ERICH1: variants seen among roughly 807,000 people sequenced by gnomAD.
ERICH1 encodes glutamate-rich protein 1.
A neutral mutation model predicts 39.6 loss-of-function variants in ERICH1; 56 were observed. The ratio of observed to expected loss-of-function variants is 1.41; its 90% CI spans 1.14 to 1.77. The LOEUF (loss-of-function observed/expected upper bound fraction) is 1.77. Ranked by LOEUF, ERICH1 falls within the 40% of genes most tolerant of loss-of-function variation. The probability of loss-of-function intolerance (pLI) is 0.00; values close to 1 mark genes in which losing one functional copy is unlikely to be tolerated. For synonymous variants in ERICH1, 313 were observed against 223.6 expected (o/e 1.40, Z -3.57); for missense variants, 826 against 575.4 (o/e 1.44, Z -4.45).
chr8:622,080 C>T (rs925721590), intron 3 of ERICH1, among the ~76,000 whole-genome samples: 1 of 152,006 alleles, frequency 6.6e-6, no homozygotes, highest in Non-Finnish European at 1.5e-5. Flanking sequence ...ATTAACCAAG[C>T]GTGGTGGCAT....
At chr8:689,905 G>A (rs1369796270) in intron 3 of ERICH1, among the ~76,000 whole-genome samples, 7 of 152,156 alleles carry the variant, frequency 4.6e-5, no homozygotes, top group Non-Finnish European at 5.9e-5. Context: ...CGCCAGGACC[G>A]TGAGCAGAAG....
At chr8:687,794 G>C (rs1037519559) in intron 3 of ERICH1, among the ~76,000 whole-genome samples, 1 of 152,146 alleles carries the variant, frequency 6.6e-6, no homozygotes, top group African/African-American at 2.4e-5. Context: ...GGTGGAATAC[G>C]GGGCAGCCAC....
Position 686,195 on chromosome 8 carries a change from CAGAT to C in ERICH1, c.304+6279_304+6282del, listed in dbSNP as rs1169580254. On this transcript the variant is annotated intron_variant, in intron 3 of 5. Coordinates refer to ENST00000262109, the MANE Select transcript of ERICH1 (RefSeq NM_207332.3). Reference sequence around the variant, plus strand: ...ATCATCATCTTCTACCTTTTTTTCTCAGATACTCTTTAACTTCAATTAAACAAAT... The same window carrying C: ...ATCATCATCTTCTACCTTTTTTTCTCACTCTTTAACTTCAATTAAACAAAT... Among the ~76,000 whole-genome samples the C allele has an allele frequency of 5.3e-5, 8 of 152,106 alleles. No homozygotes were observed. The East Asian group carries it at 1.2e-3, about 22-fold the overall frequency.
At chr8:633,206 G>C (rs1469412137) in intron 3 of ERICH1, among the ~76,000 whole-genome samples, 1 of 152,192 alleles carries the variant, frequency 6.6e-6, no homozygotes, top group Non-Finnish European at 1.5e-5. Flanking sequence ...CACACCCTAT[G>C]GCCTGGCGAC....
At chr8:670,461 G>T (rs1422214599) in intron 4 of ERICH1, among the ~76,000 whole-genome samples, 1 of 152,110 alleles carries the variant, frequency 6.6e-6, no homozygotes, top group East Asian at 1.9e-4. Flanking sequence ...CTCACCCTTT[G>T]CTCCGCCAGG....
At chr8:657,550 C>T (rs946945567) in intron 3 of ERICH1, among the ~76,000 whole-genome samples, 15 of 149,520 alleles carry the variant, frequency 1.0e-4, no homozygotes, top group African/African-American at 3.2e-4. Context: ...GCTCCTGCTC[C>T]GTCAGTCCAG....
chr8:651,808 CATT>C (rs1473050363), intron 3 of ERICH1, among the ~76,000 whole-genome samples: 7 of 152,118 alleles, frequency 4.6e-5, no homozygotes, highest in African/African-American at 1.2e-4. Context: ...ACTCTGACAT[CATT>C]GTCAACTCTA....
chr8:687,530 C>T (rs1045995453), intron 3 of ERICH1, among the ~76,000 whole-genome samples: 2 of 152,234 alleles, frequency 1.3e-5, no homozygotes, highest in African/African-American at 4.8e-5. Context: ...TAACACCACG[C>T]GCTGAGGGGG....
intron 3 of ERICH1, among the ~76,000 whole-genome samples, chr8:683,944 T>C (rs1163832337): frequency 6.6e-6 from 1 of 152,240 alleles, no homozygotes; most frequent in Non-Finnish European, 1.5e-5. Flanking sequence ...ATGTCCAAAT[T>C]TTCTAGATTA....
intron 2 of ERICH1, among the ~76,000 whole-genome samples, chr8:706,895 ATAG>A (rs1813405129): frequency 6.6e-6 from 1 of 152,356 alleles, no homozygotes; most frequent in Admixed American, 6.5e-5. Context: ...GGACAATGTA[ATAG>A]TGTTAAGAAG....
chr8:634,902 T>C (rs922516936), intron 3 of ERICH1, among the ~76,000 whole-genome samples: 7 of 152,134 alleles, frequency 4.6e-5, no homozygotes, highest in African/African-American at 1.7e-4. Context: ...CAGGGCAGCG[T>C]CCCGCAAGGA....
chr8:662,833 G>A (rs1301353751), downstream of ERICH1, among the ~76,000 whole-genome samples: 9 of 152,040 alleles, frequency 5.9e-5, no homozygotes, highest in Admixed American at 5.2e-4. Flanking sequence ...CCACTCCCAC[G>A]CCTCACAATG....
At chr8:677,419 C>CTGAAGCAGCTCCGCACACAGTCCCAAGA (rs1805099322) in intron 3 of ERICH1, among the ~76,000 whole-genome samples, 1 of 152,210 alleles carries the variant, frequency 6.6e-6, no homozygotes, top group Non-Finnish European at 1.5e-5. Context: ...GTGGCACAGG[C>CTGAAGCAGCTCCGCACACAGTCCCAAGA]TGAAGCAGCT....
intron 3 of ERICH1, among the ~76,000 whole-genome samples, chr8:627,938 G>A (rs1159413995): frequency 1.3e-5 from 2 of 152,180 alleles, no homozygotes; most frequent in African/African-American, 4.8e-5. Flanking sequence ...GAGAACACAG[G>A]GGCCGGGGGG....
chr8:668,378 T>TA (rs1403168705), intron 5 of ERICH1: 22 of 582,924 alleles, frequency 3.8e-5, no homozygotes. Flanking sequence ...TCCGGAAACT[T>TA]AGACTGCACA....
intron 3 of ERICH1, among the ~76,000 whole-genome samples, chr8:650,173 G>A (rs928910516): frequency 6.6e-6 from 1 of 152,202 alleles, no homozygotes; most frequent in Non-Finnish European, 1.5e-5. Flanking sequence ...ACAGCGTGGA[G>A]CCCGCGTTCC....
At chr8:687,985 C>T (rs953328444) in intron 3 of ERICH1, among the ~76,000 whole-genome samples, 5 of 152,142 alleles carry the variant, frequency 3.3e-5, no homozygotes, top group African/African-American at 1.2e-4. Flanking sequence ...GAGACCTGCC[C>T]GGGTCCCGAG....
At chr8:711,657 C>A (rs577975086) in intron 2 of ERICH1, among the ~76,000 whole-genome samples, 1 of 152,098 alleles carries the variant, frequency 6.6e-6, no homozygotes, top group African/African-American at 2.4e-5. Flanking sequence ...GCCACCATGC[C>A]CAGCTGATTT....
intron 3 of ERICH1, among the ~76,000 whole-genome samples, chr8:629,104 G>T (rs1797765058): frequency 6.6e-6 from 1 of 152,168 alleles, no homozygotes; most frequent in Non-Finnish European, 1.5e-5. Flanking sequence ...TTAGGGACAA[G>T]CTCCTTTCTG....
Sources: gnomAD v4.1 joint callset for allele counts (sites outside exome capture counted in the v4.1 genomes callset) on GRCh38, gnomAD v4.1.1 for gene constraint, MANE v1.5 for transcripts, NCBI Gene and HGNC (gene_info 2026-07-23, HGNC 2026-07-21) for gene names.